Variants in EVI5 observed in about 807,000 individuals in gnomAD.
EVI5 encodes ecotropic viral integration site 5.
Under a neutral mutation model 112.0 loss-of-function variants are expected in EVI5, and 73 were observed. The ratio of observed to expected loss-of-function variants is 0.65; its 90% CI spans 0.54 to 0.79. The LOEUF is 0.79. EVI5 is among the 30% of genes least tolerant of loss of function. EVI5 has a pLI of 0.00. For synonymous variants in EVI5, 305 were observed against 319.9 expected, an observed-to-expected ratio of 0.95 and a Z score of 0.50; for missense variants, 900 against 968.8, an observed-to-expected ratio of 0.93 and a Z score of 0.94.
chr1:92,626,537 C>G (rs1655698907), intron 14 of EVI5, among the ~76,000 whole-genome samples: 1 of 152,104 alleles, frequency 6.6e-6, no homozygotes, highest in Non-Finnish European at 1.5e-5. Context: ...TTAAGATATA[C>G]TTAGGAGTAG....
At chr1:92,744,598 TCTCACACACACACACACACA>T (rs1269659286) in intron 1 of EVI5, among the ~76,000 whole-genome samples, 29 of 58,566 alleles carry the variant, frequency 5.0e-4, no homozygotes, top group African/African-American at 1.9e-3. Flanking sequence ...TCTCTCTCTC[TCTCACACACACACACACACA>T]CACACACACA....
chr1:92,763,533 G>C (rs908767105), intron 1 of EVI5, among the ~76,000 whole-genome samples: 2 of 152,000 alleles, frequency 1.3e-5, no homozygotes, highest in Non-Finnish European at 2.9e-5. Context: ...GAGAATCACT[G>C]GCACCCTGGA....
At chr1:92,700,959 A>G (rs977364687) in intron 5 of EVI5, 2 of 152,200 alleles carry the variant, frequency 1.3e-5, no homozygotes, top group African/African-American at 4.8e-5. Flanking sequence ...TTGTTAAACA[A>G]CTATACCTTA....
chr1:92,674,534 CAG>C (rs1364570942), intron 10 of EVI5, among the ~76,000 whole-genome samples: 2 of 151,816 alleles, frequency 1.3e-5, no homozygotes, highest in East Asian at 1.9e-4. Context: ...TGGGGCCTGT[CAG>C]GGGGTGGAGG....
intron 18 of EVI5, among the ~76,000 whole-genome samples, chr1:92,570,329 AG>A (rs1025942443): frequency 1.4e-4 from 21 of 151,644 alleles, no homozygotes; most frequent in Non-Finnish European, 2.5e-4. Flanking sequence ...GAGCGAGGGC[AG>A]GGGGGGCCTA....
intron 11 of EVI5, among the ~76,000 whole-genome samples, chr1:92,665,420 T>C (rs1664733225): frequency 6.6e-6 from 1 of 152,008 alleles, no homozygotes; most frequent in Non-Finnish European, 1.5e-5. Flanking sequence ...ACAGAGAAAA[T>C]GTAACAAGTA....
chr1:92,778,331 G>A (rs1462229324), intron 1 of EVI5, among the ~76,000 whole-genome samples: 1 of 152,154 alleles, frequency 6.6e-6, no homozygotes, highest in Non-Finnish European at 1.5e-5. Context: ...AAAGAAAGGA[G>A]CAAGTGAATG....
chr1:92,609,370 T>C (rs959542132), intron 16 of EVI5, among the ~76,000 whole-genome samples: 7 of 133,562 alleles, frequency 5.2e-5, no homozygotes, highest in African/African-American at 2.0e-4. Flanking sequence ...TCATTTCATT[T>C]TTTTTTTGAG....
At chr1:92,657,193 T>G (rs1663151677) in intron 13 of EVI5, among the ~76,000 whole-genome samples, 1 of 152,116 alleles carries the variant, frequency 6.6e-6, no homozygotes, top group Non-Finnish European at 1.5e-5. Flanking sequence ...ATCAAGTGGG[T>G]CATACTGCAG....
In EVI5 at chr1:92,662,018, C is replaced by CTG. The variant is rs1664099845; in HGVS notation, c.1392+700_1392+701insCA. ...TAAGATCGCCCTTGTCTGAATTTGC[C>CTG]AATGGAAAATGTCTAAGCTGCAAAA... On this transcript the variant is annotated intron_variant, in intron 13 of 19. Coordinates refer to ENST00000684568, the MANE Select transcript of EVI5 (RefSeq NM_001350197.2). 2.6e-5 allele frequency among the ~76,000 whole-genome samples: 4 copies of CTG among 151,736 alleles called. 1 individual carries two copies. In the South Asian group the frequency reaches 8.3e-4, roughly 32 times the overall value.
At chr1:92,762,555 T>C (rs1016907836) in intron 1 of EVI5, among the ~76,000 whole-genome samples, 1 of 152,192 alleles carries the variant, frequency 6.6e-6, no homozygotes, top group East Asian at 1.9e-4. Context: ...AAACTAACTG[T>C]AGAACATAAA....
intron 1 of EVI5, among the ~76,000 whole-genome samples, chr1:92,780,887 T>G (rs986549334): frequency 6.6e-6 from 1 of 151,292 alleles, no homozygotes. Context: ...AGTCTCACTC[T>G]GTCGCCCAGG....
chr1:92,541,018 G>T (rs962259208), intron 19 of EVI5, among the ~76,000 whole-genome samples: 6 of 152,164 alleles, frequency 3.9e-5, no homozygotes, highest in Admixed American at 6.5e-5. Context: ...AGGTTGCAGT[G>T]AGCTGAGATC....
chr1:92,540,563 T>C (rs1311062823), intron 19 of EVI5, among the ~76,000 whole-genome samples: 3 of 152,258 alleles, frequency 2.0e-5, no homozygotes, highest in Non-Finnish European at 2.9e-5. Context: ...GTTCTTTATA[T>C]ATTCTAGATA....
intron 2 of EVI5, among the ~76,000 whole-genome samples, chr1:92,716,654 C>T (rs1162511537): frequency 4.1e-5 from 6 of 147,130 alleles, no homozygotes; most frequent in Non-Finnish European, 3.0e-5. Flanking sequence ...TTCAGAAGGT[C>T]GGTAATAACA....
intron 1 of EVI5, among the ~76,000 whole-genome samples, chr1:92,778,871 A>G (rs1684500944): frequency 6.6e-6 from 1 of 152,058 alleles, no homozygotes; most frequent in African/African-American, 2.4e-5. Flanking sequence ...CAAACTATAC[A>G]CTTAAATTCT....
At chr1:92,555,667 C>T (rs1026839259) in intron 19 of EVI5, among the ~76,000 whole-genome samples, 3 of 151,876 alleles carry the variant, frequency 2.0e-5, no homozygotes, top group African/African-American at 4.8e-5. Context: ...CTGGGCAACA[C>T]GGTGAAACCC....
At chr1:92,647,696 G>T in intron 13 of EVI5, 1 of 270,864 alleles carries the variant, frequency 3.7e-6, no homozygotes, top group Admixed American at 3.9e-5. Flanking sequence ...GAAGGTGAAG[G>T]GGGCAGGAAG....
intron 2 of EVI5, among the ~76,000 whole-genome samples, chr1:92,712,469 C>T (rs941670927): frequency 2.0e-5 from 3 of 151,934 alleles, no homozygotes; most frequent in Admixed American, 6.6e-5. Context: ...CAAGCCTAGC[C>T]GACTTCAGTC....
Sources: allele counts gnomAD v4.1 joint callset (sites outside exome capture counted in the v4.1 genomes callset), GRCh38; gene constraint gnomAD v4.1.1; transcripts MANE v1.5; gene names NCBI Gene and HGNC (gene_info 2026-07-23, HGNC 2026-07-21).